The following ADIPOQ variants were observed in gnomAD, a reference collection of about 807,000 sequenced individuals.
The protein encoded by ADIPOQ is adiponectin, C1Q and collagen domain containing.
Under a neutral mutation model 16.1 loss-of-function variants are expected in ADIPOQ, and 19 were observed. That is an observed-to-expected ratio of 1.18 (90% CI 0.82 to 1.73). The LOEUF (loss-of-function observed/expected upper bound fraction) is 1.73. Ranked by LOEUF, ADIPOQ falls within the 40% of genes most tolerant of loss-of-function variation. The probability of loss-of-function intolerance (pLI) is 0.00; values close to 1 mark genes in which losing one functional copy is unlikely to be tolerated. For missense variants in ADIPOQ, 323 were observed against 308.3 expected (o/e 1.05, Z -0.36); for synonymous variants, 124 against 125.5 (o/e 0.99, Z 0.08).
chr3:186,848,509 G>T (rs1711647006), intron 1 of ADIPOQ, among the ~76,000 whole-genome samples: 1 of 152,146 alleles, frequency 6.6e-6, no homozygotes, highest in South Asian at 2.1e-4. Flanking sequence ...CGGTGCCTCC[G>T]AAAGCATGAC....
chr3:186,847,893 C>T (rs76541243), intron 1 of ADIPOQ, among the ~76,000 whole-genome samples: 7,352 of 152,124 alleles, frequency 0.048, 226 homozygotes, highest in South Asian at 0.1. Flanking sequence ...TGTAACAGGC[C>T]GGGCGCAGTG....
chr3:186,854,936 T>A lies in ADIPOQ; in HGVS notation c.*232T>A, dbSNP rs200775572. 8.3e-6 allele frequency: 5 copies of A among 599,868 alleles called. No individual in the cohort carries two copies. The highest frequency in any genetic ancestry group is 1.4e-5 in the Non-Finnish European group (5 of 348,380). 37.2% of individuals were successfully genotyped at this position (599,868 alleles called of 1,614,324 possible). A position where few individuals can be genotyped will look rare whatever the true frequency, so the allele number is the denominator to read the frequency against. ...GACCAGATAACTGACTAGAAAGAAG[T>A]AGTTGACAGTGCTATTTTGTGCCCA... On this transcript the variant is annotated 3_prime_UTR_variant, in exon 3 of 3. Coordinates refer to ENST00000320741, the MANE Select transcript of ADIPOQ (RefSeq NM_004797.4).
At chr3:186,850,845 T>C (rs1711727298) in intron 1 of ADIPOQ, among the ~76,000 whole-genome samples, 1 of 152,008 alleles carries the variant, frequency 6.6e-6, no homozygotes, top group Admixed American at 6.6e-5. Flanking sequence ...AGTTGAGTAT[T>C]GTTTTCTTTT....
chr3:186,848,273 A>G (rs56044645), intron 1 of ADIPOQ, among the ~76,000 whole-genome samples: 50 of 105,704 alleles, frequency 4.7e-4, no homozygotes, highest in Admixed American at 2.3e-3. Flanking sequence ...AAGGAAGGAA[A>G]GAAGGAAGGA....
chr3:186,844,487 G>C (rs528687091), intron 1 of ADIPOQ, among the ~76,000 whole-genome samples: 66 of 136,502 alleles, frequency 4.8e-4, no homozygotes, highest in African/African-American at 1.8e-3. Flanking sequence ...CTCCAGCCTG[G>C]GCAAAAAAAG....
intron 1 of ADIPOQ, among the ~76,000 whole-genome samples, chr3:186,848,178 CA>C (rs56119991): frequency 4.2e-5 from 1 of 23,542 alleles, no homozygotes; most frequent in Non-Finnish European, 6.2e-5. Context: ...ACTTCAGAAA[CA>C]AAAAAAAAAG....
chr3:186,844,739 T>C (rs772405775), intron 1 of ADIPOQ, among the ~76,000 whole-genome samples: 5 of 151,808 alleles, frequency 3.3e-5, no homozygotes, highest in Non-Finnish European at 5.9e-5. Flanking sequence ...AGAGATGAGG[T>C]CTCACTATAT....
chr3:186,845,905 ATT>A (rs1484626608), intron 1 of ADIPOQ, among the ~76,000 whole-genome samples: 1 of 152,112 alleles, frequency 6.6e-6, no homozygotes, highest in Non-Finnish European at 1.5e-5. Flanking sequence ...CATTTCGCGG[ATT>A]AGGAAGCTGA....
In ADIPOQ at chr3:186,853,252, A is replaced by C; in HGVS notation, c.194A>C (p.Lys65Thr). 6.2e-7 allele frequency: 1 copy of C among 1,606,796 alleles called. No individual in the cohort carries two copies. The highest frequency in any genetic ancestry group is 8.5e-7 in the Non-Finnish European group (1 of 1,176,490). ...RDGRDGTPGEKGEKGDPGLIG... is the reference protein window; with the variant it reads ...RDGRDGTPGETGEKGDPGLIG... ...GGCAGAGATGGCACCCCTGGTGAGA[A>C]GGGTGAGAAAGGAGATCCAGGTAAG... The change falls in exon 2 of 3, where the codon AAG (lysine) becomes ACG (threonine). Residue 65 changes from lysine to threonine, a missense_variant. Lys to Thr is a moderately conservative substitution (Grantham distance 78). Coordinates refer to ENST00000320741, the MANE Select transcript of ADIPOQ (RefSeq NM_004797.4).
intron 2 of ADIPOQ, 98 bp from the exon 3 acceptor site, chr3:186,854,086 G>A (rs1711886667): frequency 3.8e-6 from 5 of 1,316,438 alleles, no homozygotes; most frequent in South Asian, 2.9e-5. Context: ...AAGTCAAGAA[G>A]GTTGTGAGTG....
rs936409825 is a variant in ADIPOQ, at chr3:186,843,667, A to G, written c.-9+918A>G. On this transcript the variant is annotated intron_variant, in intron 1 of 2. Transcript: ENST00000320741. The stretch of plus-strand genomic sequence containing the variant: ...CAGAGCGAGACTTTGTGTCAAAAAA[A>G]AAAAAAAAAGAAAGAAAAGAAAAAG... Among the ~76,000 whole-genome samples, 424 of 151,772 alleles carry G rather than the reference A, an allele frequency of 2.8e-3. 3 individuals are homozygous for G. Among genetic ancestry groups the G allele is most frequent in the Non-Finnish European group, 4.7e-3 (320 of 67,922 alleles).
rs188947568 is a variant in ADIPOQ at position 186,854,793 on chromosome 3, A to T, written c.*89A>T. The T allele has an allele frequency of 1.7e-4, 256 of 1,500,196 alleles. 2 individuals are homozygous for T. The African/African-American group carries it at 3.0e-3, about 17-fold the overall frequency. The allele number at this position is 1,500,196 out of a possible 1,614,324, so 92.9% of individuals were successfully genotyped here. ...ACGGTTAGGAAGTTGATTATTATTT[A>T]GTTGGAGGCCTTTAGATATTATTCA... On this transcript the variant is annotated 3_prime_UTR_variant, in exon 3 of 3. Transcript: ENST00000320741.
Position 186,854,235 on chromosome 3 carries a change from A to G in ADIPOQ, c.266A>G (p.Glu89Gly). ...DIGETGVPGA[E>G]GPRGFPGIQG... Reference sequence around the variant, plus strand: ...GGTGAAACCGGAGTACCCGGGGCTGAAGGTCCCCGAGGCTTTCCGGGAATC... The same window carrying G: ...GGTGAAACCGGAGTACCCGGGGCTGGAGGTCCCCGAGGCTTTCCGGGAATC... Residue 89 changes from glutamate (E) to glycine (G), a missense_variant, in exon 3 of 3, where the codon GAA (glutamate) becomes GGA (glycine). By Grantham distance (98) the Glu-to-Gly change is moderately conservative (BLOSUM62 -2). Transcript: ENST00000320741. 4.3e-6 allele frequency: 7 copies of G among 1,613,662 alleles called. No homozygotes were observed. Among genetic ancestry groups the G allele is most frequent in the Non-Finnish European group, 5.9e-6 (7 of 1,179,650 alleles).
At chr3:186,850,033 CCAA>C (rs1711694483) in intron 1 of ADIPOQ, among the ~76,000 whole-genome samples, 3 of 152,104 alleles carry the variant, frequency 2.0e-5, no homozygotes, top group Non-Finnish European at 2.9e-5. Flanking sequence ...CTTTGGGAGC[CCAA>C]GGCGGGCGGA....
chr3:186,852,929 A>C, intron 1 of ADIPOQ, 122 bp from the exon 2 acceptor site: 1 of 995,574 alleles, frequency 1.0e-6, no homozygotes, highest in Non-Finnish European at 1.5e-6. Flanking sequence ...AAAGTTGAAT[A>C]CTTAGAAAGC....
Position 186,858,461 on chromosome 3 carries a change from T to C in ADIPOQ, c.*3757T>C, listed in dbSNP as rs1712093584. 6.6e-6 allele frequency: 1 copy of C among 152,188 alleles called. No individual in the cohort carries two copies. Among genetic ancestry groups the C allele is most frequent in the African/African-American group, 2.4e-5 (1 of 41,468 alleles). 9.4% of individuals were successfully genotyped at this position (152,188 alleles called of 1,614,324 possible). On this transcript the variant is annotated 3_prime_UTR_variant, in exon 3 of 3. Transcript: ENST00000320741. ...TTATATTTAATAAAATTGTTGAATT[T>C]AAGATGGATGACTGTTTTATTTGTT... is the stretch of plus-strand genomic sequence containing the variant.
rs114155159 is a variant in ADIPOQ, at chr3:186,853,084, T to A, written c.26T>A (p.Leu9Gln). Residue 9 changes from leucine to glutamine, a missense_variant, in exon 2 of 3, where the codon CTG (leucine) becomes CAG (glutamine). Coordinates refer to ENST00000320741, the MANE Select transcript of ADIPOQ (RefSeq NM_004797.4). ...ATGCTGTTGCTGGGAGCTGTTCTAC[T>A]GCTATTAGCTCTGCCCGGTCATGAC... MLLLGAVL[L>Q]LLALPGHDQE... The A allele has an allele frequency of 8.6e-4, 1,395 of 1,614,192 alleles. No homozygotes were observed. The highest frequency in any genetic ancestry group is 1.1e-3 in the Non-Finnish European group (1,248 of 1,180,018).
chr3:186,849,921 C>A (rs1711690736), intron 1 of ADIPOQ, among the ~76,000 whole-genome samples: 1 of 148,392 alleles, frequency 6.7e-6, no homozygotes, highest in African/African-American at 2.5e-5. Context: ...TAGAAAAAAA[C>A]AGAAGAAAAT....
intron 1 of ADIPOQ, among the ~76,000 whole-genome samples, chr3:186,843,660 CAAAAAA>C (rs35615373): frequency 7.9e-6 from 1 of 126,742 alleles, no homozygotes; most frequent in Non-Finnish European, 1.6e-5. Flanking sequence ...GACTTTGTGT[CAAAAAA>C]AAAAAAAAAA....
Sources: gnomAD v4.1 joint callset for allele counts (sites outside exome capture counted in the v4.1 genomes callset) on GRCh38, gnomAD v4.1.1 for gene constraint, MANE v1.5 for transcripts, NCBI Gene and HGNC (gene_info 2026-07-23, HGNC 2026-07-21) for gene names.